Variants in PRICKLE1 observed in about 807,000 individuals in gnomAD.
The protein encoded by PRICKLE1 is prickle planar cell polarity protein 1.
A neutral mutation model predicts 70.2 loss-of-function variants in PRICKLE1; 14 were observed. That is an observed-to-expected ratio of 0.20 (90% CI 0.13 to 0.31). The LOEUF (loss-of-function observed/expected upper bound fraction) is 0.31, where lower values mean the gene tolerates loss of function less well. Among genes scored for constraint, PRICKLE1 ranks in the 10% least tolerant of loss-of-function variants. PRICKLE1 has a pLI of 1.00. For missense variants in PRICKLE1, 821 were observed against 1,026.2 expected, an observed-to-expected ratio of 0.80 and a Z score of 2.73; for synonymous variants, 357 against 379.9, an observed-to-expected ratio of 0.94 and a Z score of 0.70.
chr12:42,460,268 T>A lies in PRICKLE1; in HGVS notation c.2037A>T (p.Arg679Ser). 1 of 1,614,184 alleles carries A rather than the reference T, an allele frequency of 6.2e-7. No individual in the cohort carries two copies. The highest frequency in any genetic ancestry group is 8.5e-7 in the Non-Finnish European group (1 of 1,180,042). ...TCAGGGCATTGTCGGAGCGGGACTT[T>A]CTACTTCTCCGGCGGCGGTGGTGAT... is the stretch of plus-strand genomic sequence containing the variant. ...RSHHHRRRRS[R>S]KSRSDNALNL... Residue 679 changes from arginine to serine, a missense_variant, in exon 8 of 8, where the codon AGA (arginine) becomes AGT (serine). Coordinates refer to ENST00000345127, the MANE Select transcript of PRICKLE1 (RefSeq NM_153026.3).
chr12:42,510,633 G>T (rs1939495970), intron 1 of PRICKLE1, among the ~76,000 whole-genome samples: 1 of 151,924 alleles, frequency 6.6e-6, no homozygotes, highest in South Asian at 2.1e-4. Context: ...TTTATTCCTG[G>T]TATAATTAAT....
At chr12:42,502,159 C>T (rs1939322862) in intron 1 of PRICKLE1, among the ~76,000 whole-genome samples, 1 of 149,028 alleles carries the variant, frequency 6.7e-6, no homozygotes, top group Non-Finnish European at 1.5e-5. Context: ...GTATATACAC[C>T]TATATATATA....
intron 1 of PRICKLE1, among the ~76,000 whole-genome samples, chr12:42,492,793 T>A (rs1209090384): frequency 1.3e-5 from 2 of 152,198 alleles, no homozygotes; most frequent in Admixed American, 1.3e-4. Context: ...GAACATTGAG[T>A]CTGCGCTGGA....
At chr12:42,549,827 C>T (rs1006408762) in intron 1 of PRICKLE1, among the ~76,000 whole-genome samples, 1 of 152,232 alleles carries the variant, frequency 6.6e-6, no homozygotes, top group Non-Finnish European at 1.5e-5. Context: ...GAGCTTCCAA[C>T]ATGCTTCCCT....
Position 42,480,675 on chromosome 12 carries a change from A to C in PRICKLE1, c.-48-8111T>G, listed in dbSNP as rs191273908. 2.0e-5 allele frequency among the ~76,000 whole-genome samples: 3 copies of C among 152,374 alleles called. No homozygotes were observed. The East Asian group carries it at 5.8e-4, about 29-fold the overall frequency. Reference sequence around the variant, plus strand: ...ACCTTGACATATACATAAATGAGCCATAACTATGTTTCTGTAAAGAGCTTA... The same window carrying C: ...ACCTTGACATATACATAAATGAGCCCTAACTATGTTTCTGTAAAGAGCTTA... On this transcript the variant is annotated intron_variant, in intron 1 of 7. Coordinates refer to ENST00000345127, the MANE Select transcript of PRICKLE1 (RefSeq NM_153026.3).
intron 1 of PRICKLE1, among the ~76,000 whole-genome samples, chr12:42,574,520 T>C (rs2120767698): frequency 6.6e-6 from 1 of 152,358 alleles, no homozygotes; most frequent in East Asian, 1.9e-4. Context: ...CCACATATGC[T>C]ACAAAATATT....
At chr12:42,526,840 C>CGAT (rs1420362791) in intron 1 of PRICKLE1, among the ~76,000 whole-genome samples, 1 of 151,148 alleles carries the variant, frequency 6.6e-6, no homozygotes, top group Non-Finnish European at 1.5e-5. Flanking sequence ...ATGATGACGA[C>CGAT]GATGATGATG....
At position 42,460,595 on chromosome 12, in the gene PRICKLE1, T is replaced by C. The variant is rs1288765818; in HGVS notation, c.1710A>G (p.Glu570=). 1.9e-6 allele frequency: 3 copies of C among 1,613,790 alleles called. No individual in the cohort carries two copies. The African/African-American group carries it at 4.0e-5, about 21-fold the overall frequency. Residue 570 remains glutamate (E), a synonymous_variant, in exon 8 of 8, where the codon GAA becomes GAG. Coordinates refer to ENST00000345127, the MANE Select transcript of PRICKLE1 (RefSeq NM_153026.3). ...TGCTCATCTTCTCACAATCTTCTGT[T>C]TCCATCTCCTCAAAATTTTGCAGAG... is the stretch of plus-strand genomic sequence containing the variant. The part of the protein sequence containing the change: ...LYSLQNFEEM[E]TEDCEKMSNM...
chr12:42,471,230 T>A (rs993678283), intron 2 of PRICKLE1, among the ~76,000 whole-genome samples: 1 of 152,206 alleles, frequency 6.6e-6, no homozygotes, highest in Non-Finnish European at 1.5e-5. Flanking sequence ...CACATTGAGC[T>A]GTACTTTGCT....
chr12:42,534,456 T>C (rs964870659), intron 1 of PRICKLE1, among the ~76,000 whole-genome samples: 3 of 152,298 alleles, frequency 2.0e-5, no homozygotes, highest in African/African-American at 7.2e-5. Context: ...CAACAGTGTG[T>C]GAGCTGTGGC....
intron 1 of PRICKLE1, among the ~76,000 whole-genome samples, chr12:42,506,546 C>T (rs181600033): frequency 5.9e-4 from 87 of 147,992 alleles, no homozygotes; most frequent in African/African-American, 1.9e-3. Flanking sequence ...CGTGAGCCAC[C>T]GCGCCCAGCT....
At chr12:42,566,071 C>T (rs1422909912) in intron 1 of PRICKLE1, among the ~76,000 whole-genome samples, 1 of 152,086 alleles carries the variant, frequency 6.6e-6, no homozygotes, top group African/African-American at 2.4e-5. Flanking sequence ...GAGTGCAGAG[C>T]GGGCTGTGGA....
intron 1 of PRICKLE1, among the ~76,000 whole-genome samples, chr12:42,508,032 G>T (rs984320821): frequency 6.6e-6 from 1 of 152,230 alleles, no homozygotes; most frequent in East Asian, 1.9e-4. Flanking sequence ...ACACAAACAA[G>T]CAATAGTGAA....
intron 1 of PRICKLE1, chr12:42,483,502 G>T (rs542818682): frequency 1.3e-5 from 2 of 152,100 alleles, no homozygotes; most frequent in East Asian, 3.9e-4. Context: ...GAGCGGGAGC[G>T]GAGGACTCCC....
At position 42,465,229 on chromosome 12, in the gene PRICKLE1, C is replaced by T. The variant is rs376845777; in HGVS notation, c.805G>A (p.Gly269Arg). ...GVDHAQMTYD[G>R]QHWHATEACF... ...GCTTCCGTGGCGTGCCAGTGCTGCC[C>T]GTCATAGGTCATCTGTGCATGGTCC... is the stretch of plus-strand genomic sequence containing the variant. The change falls in exon 7 of 8, where the codon GGG (glycine) becomes AGG (arginine). Residue 269 changes from glycine to arginine, a missense_variant. Gly to Arg is a moderately radical substitution (Grantham distance 125). Transcript: ENST00000345127. The T allele has an allele frequency of 6.3e-5, 101 of 1,613,798 alleles. No individual in the cohort carries two copies. Among genetic ancestry groups the T allele is most frequent in the Non-Finnish European group, 8.3e-5 (98 of 1,179,994 alleles).
intron 1 of PRICKLE1, among the ~76,000 whole-genome samples, chr12:42,544,934 TCTC>T (rs1338309880): frequency 6.6e-6 from 1 of 152,090 alleles, no homozygotes; most frequent in Non-Finnish European, 1.5e-5. Context: ...CTGCTTTCCT[TCTC>T]CTTGCTTTGC....
chr12:42,472,716 C>A (rs1170700588), intron 1 of PRICKLE1, among the ~76,000 whole-genome samples, 152 bp from the exon 2 acceptor site: 2 of 152,194 alleles, frequency 1.3e-5, no homozygotes, highest in African/African-American at 4.8e-5. Flanking sequence ...AGGCCCCAGG[C>A]CCCCTGAAAT....
At chr12:42,532,713 C>T (rs1179002334) in intron 1 of PRICKLE1, among the ~76,000 whole-genome samples, 1 of 151,892 alleles carries the variant, frequency 6.6e-6, no homozygotes, top group Non-Finnish European at 1.5e-5. Flanking sequence ...CTGGCTAACA[C>T]GGTGAAACCC....
chr12:42,583,599 T>C (rs906626399), intron 1 of PRICKLE1, among the ~76,000 whole-genome samples: 2 of 152,186 alleles, frequency 1.3e-5, no homozygotes, highest in African/African-American at 4.8e-5. Flanking sequence ...AGGATCTCAA[T>C]CATCCCTAGC....
Sources: gnomAD v4.1 joint callset for allele counts (sites outside exome capture counted in the v4.1 genomes callset) on GRCh38, gnomAD v4.1.1 for gene constraint, MANE v1.5 for transcripts, NCBI Gene and HGNC (gene_info 2026-07-23, HGNC 2026-07-21) for gene names.